Variants in USP18 observed in about 807,000 individuals in gnomAD.
The protein encoded by USP18 is ubiquitin specific peptidase 18.
USP18 carries 11 observed loss-of-function variants against 48.7 expected under a neutral mutation model. The observed-to-expected ratio is 0.23, with a 90% CI of 0.14 to 0.37. The LOEUF is 0.37. Among genes scored for constraint, USP18 ranks in the 10% least tolerant of loss-of-function variants. USP18 has a pLI of 1.00. For synonymous variants in USP18, 114 were observed against 163.2 expected (o/e 0.70, Z 2.30); for missense variants, 285 against 436.4 (o/e 0.65, Z 3.09).
In USP18 at chr22:18,162,036, C is replaced by T; in HGVS notation, c.400+101C>T. On this transcript the variant is annotated intron_variant, in intron 4 of 10. Coordinates refer to ENST00000215794, the MANE Select transcript of USP18 (RefSeq NM_017414.4). ...TAACGGGCAGTGAAGCAACAAGAAG[C>T]AAGTTAGGTAGCCTGGACCCCTCAG... is the stretch of plus-strand genomic sequence containing the variant. The T allele has an allele frequency of 8.9e-6, 13 of 1,454,800 alleles. No homozygotes were observed. In the South Asian group the frequency reaches 1.8e-4, roughly 20 times the overall value. The allele number at this position is 1,454,800 out of a possible 1,614,324, so 90.1% of individuals were successfully genotyped here.
intron 1 of USP18, among the ~76,000 whole-genome samples, 159 bp downstream of exon 1, chr22:18,150,381 T>C (rs926580121): frequency 2.6e-5 from 4 of 152,222 alleles, no homozygotes; most frequent in African/African-American, 9.7e-5. Context: ...GGCCAGTGAA[T>C]TTTTTTCTAA....
chr22:18,174,930 T>C (rs1320281029), intron 10 of USP18, among the ~76,000 whole-genome samples: 4 of 151,964 alleles, frequency 2.6e-5, no homozygotes, highest in Non-Finnish European at 5.9e-5. Flanking sequence ...TTTGTTTGTT[T>C]TGAGATGGAG....
At chr22:18,150,878 G>C (rs189988212) in intron 1 of USP18, among the ~76,000 whole-genome samples, 12 of 152,328 alleles carry the variant, frequency 7.9e-5, no homozygotes, top group African/African-American at 2.9e-4. Flanking sequence ...CTTGAACCCG[G>C]GAGCGGAGGT....
chr22:18,168,435 T>C (rs754637314), intron 6 of USP18, among the ~76,000 whole-genome samples: 10 of 151,194 alleles, frequency 6.6e-5, no homozygotes, highest in Non-Finnish European at 1.5e-4. Context: ...CTTCCTCTGT[T>C]GCCCAGACTG....
chr22:18,157,262 T>C (rs909423116), intron 1 of USP18, among the ~76,000 whole-genome samples: 1 of 152,248 alleles, frequency 6.6e-6, no homozygotes, highest in African/African-American at 2.4e-5. Context: ...GGCTTTTTAC[T>C]GAAGTGGGCC....
Position 18,169,862 on chromosome 22 carries a change from T to G in USP18, c.646T>G (p.Phe216Val). ...LKTLEDALHCFFQPRELSSKS... is the reference protein window; with the variant it reads ...LKTLEDALHCVFQPRELSSKS... ...GGGACAGGAGGACGCCCTGCACTGC[T>G]TCTTCCAGCCCAGGGAGTTATCAAG... Residue 216 changes from phenylalanine to valine, a missense_variant, in exon 7 of 11, where the codon TTC (phenylalanine) becomes GTC (valine). By Grantham distance (50) the Phe-to-Val change is conservative (BLOSUM62 -1). Around this residue, in one of 5 missense-constraint regions of USP18, gnomAD observed 34 missense variants for 94.8 expected, o/e 0.36. Coordinates refer to ENST00000215794, the MANE Select transcript of USP18 (RefSeq NM_017414.4). 1 of 1,602,180 alleles carries G rather than the reference T, an allele frequency of 6.2e-7. No individual in the cohort carries two copies. Among genetic ancestry groups the G allele is most frequent in the South Asian group, 1.1e-5 (1 of 88,574 alleles).
rs1425859702 is a variant in USP18, at chr22:18,157,685, C to T, written c.22C>T (p.Leu8=). ...ACGAATGAGCAAGGCGTTTGGGCTC[C>T]TGAGGCAAATCTGTCAGTCCATCCT... MSKAFGL[L]RQICQSILAE... The change falls in exon 2 of 11, where the codon CTG becomes TTG. Residue 8 remains leucine, a synonymous_variant. Coordinates refer to ENST00000215794, the MANE Select transcript of USP18 (RefSeq NM_017414.4). 3.1e-6 allele frequency: 5 copies of T among 1,613,990 alleles called. No homozygotes were observed. Among genetic ancestry groups the T allele is most frequent in the Non-Finnish European group, 3.4e-6 (4 of 1,180,026 alleles).
chr22:18,169,369 G>A (rs3994303), intron 6 of USP18, among the ~76,000 whole-genome samples: 1 of 152,214 alleles, frequency 6.6e-6, no homozygotes, highest in Non-Finnish European at 1.5e-5. Flanking sequence ...GAGGTCAGGA[G>A]TTTGAGACCA....
chr22:18,164,042 A>C (rs945971436), intron 4 of USP18, among the ~76,000 whole-genome samples: 25 of 152,194 alleles, frequency 1.6e-4, no homozygotes, highest in Non-Finnish European at 2.5e-4. Context: ...ACACTCCTTC[A>C]CGCATTGTTT....
At chr22:18,155,642 C>T (rs931878178) in intron 1 of USP18, among the ~76,000 whole-genome samples, 39 of 152,320 alleles carry the variant, frequency 2.6e-4, no homozygotes, top group African/African-American at 8.7e-4. Context: ...GGCCTGCAAG[C>T]CCCAGGCAGT....
Position 18,157,805 on chromosome 22 carries a change from TG to T in USP18, c.145del (p.Asp49ThrfsTer21). On this transcript the variant is annotated frameshift_variant, in exon 2 of 11. Coordinates refer to ENST00000215794, the MANE Select transcript of USP18 (RefSeq NM_017414.4). LOFTEE classifies it high-confidence loss of function. Reference protein sequence around the residue: ...REQPRERPRAWDYPHGLVGLH... With the variant: ...REQPRERPRAXDYPHGLVGLH... ...GCAGCCCAGAGAGCGTCCCAGGGCC[TG>T]GGACTACCCTCATGGTCATTAGACC... is the stretch of plus-strand genomic sequence containing the variant. 1 of 1,614,116 alleles carries T rather than the reference TG, an allele frequency of 6.2e-7. No homozygotes were observed. The highest frequency in any genetic ancestry group is 8.5e-7 in the Non-Finnish European group (1 of 1,179,992).
At chr22:18,170,548 C>G in intron 7 of USP18, among the ~76,000 whole-genome samples, 1 of 151,366 alleles carries the variant, frequency 6.6e-6, no homozygotes, top group East Asian at 1.9e-4. Context: ...CCTTGTGCCT[C>G]TTGTGGGGGG....
intron 1 of USP18, among the ~76,000 whole-genome samples, chr22:18,155,641 G>A (rs1217213151): frequency 6.6e-6 from 1 of 152,180 alleles, no homozygotes; most frequent in Non-Finnish European, 1.5e-5. Flanking sequence ...CGGCCTGCAA[G>A]CCCCAGGCAG....
At position 18,175,472 on chromosome 22, in the gene USP18, G is replaced by C. The variant is rs1929760029; in HGVS notation, c.1074-1300G>C. ...CATCCATCTTAGACACCCAATCTTT[G>C]TCACTTTGTGGTTGTCATTGATTTC... On this transcript the variant is annotated intron_variant, in intron 10 of 10. Coordinates refer to ENST00000215794, the MANE Select transcript of USP18 (RefSeq NM_017414.4). Among the ~76,000 whole-genome samples the C allele has an allele frequency of 2.7e-5, 4 of 149,114 alleles. No homozygotes were observed. The South Asian group carries it at 8.3e-4, about 31-fold the overall frequency.
At chr22:18,174,701 A>G (rs902202114) in intron 10 of USP18, among the ~76,000 whole-genome samples, 3 of 149,812 alleles carry the variant, frequency 2.0e-5, no homozygotes, top group Non-Finnish European at 3.0e-5. Context: ...TGATCCTCCC[A>G]CCTCAGCCTC....
chr22:18,161,391 C>CCT (rs1929330148), intron 3 of USP18, among the ~76,000 whole-genome samples: 1 of 83,336 alleles, frequency 1.2e-5, no homozygotes, highest in Non-Finnish European at 2.4e-5. Context: ...CCAGCATGTG[C>CCT]CTCTGCAGTC....
At chr22:18,170,498 G>T (rs1445872431) in intron 7 of USP18, among the ~76,000 whole-genome samples, 1 of 152,202 alleles carries the variant, frequency 6.6e-6, no homozygotes, top group East Asian at 1.9e-4. Context: ...AGCAGACGCG[G>T]TGGCTCCCTG....
intron 3 of USP18, 104 bp downstream of exon 3, chr22:18,160,372 C>T: frequency 9.6e-6 from 13 of 1,358,868 alleles, no homozygotes; most frequent in South Asian, 1.3e-5. Context: ...GTGGCATGAT[C>T]TTGGCTCACT....
chr22:18,169,900 C>T lies in USP18; in HGVS notation c.684C>T (p.Cys228=), dbSNP rs764113593. 6 of 1,608,364 alleles carry T rather than the reference C, an allele frequency of 3.7e-6. No homozygotes were observed. In the South Asian group the frequency reaches 5.6e-5, roughly 15 times the overall value. The change falls in exon 7 of 11, where the codon TGC becomes TGT. Residue 228 remains cysteine (C), a synonymous_variant. Coordinates refer to ENST00000215794, the MANE Select transcript of USP18 (RefSeq NM_017414.4). ...QPRELSSKSK[C]FCENCGKKTR... is the part of the protein sequence containing the mutation. ...GGGAGTTATCAAGCAAAAGCAAGTG[C>T]TTCTGTGAGAACTGTGGGAAGAAGA...
Sources: gnomAD v4.1 joint callset for allele counts (sites outside exome capture counted in the v4.1 genomes callset) on GRCh38, gnomAD v4.1.1 for gene constraint, gnomAD v4.1.1 regional missense constraint, MANE v1.5 for transcripts, NCBI Gene and HGNC (gene_info 2026-07-23, HGNC 2026-07-21) for gene names.